Variants in IL16 observed in about 807,000 individuals in gnomAD.
IL16 encodes interleukin 16.
IL16 carries 67 observed loss-of-function variants against 110.1 expected under a neutral mutation model. The observed-to-expected ratio is 0.61, with a 90% CI of 0.50 to 0.75. IL16 has a LOEUF of 0.75. IL16 is among the 30% of genes least tolerant of loss of function. The pLI, the probability that IL16 is intolerant of heterozygous loss-of-function variation, is 0.00. For synonymous variants in IL16, 689 were observed against 662.9 expected (o/e 1.04, Z -0.61); for missense variants, 1,545 against 1,655.0 (o/e 0.93, Z 1.15).
intron 5 of IL16, among the ~76,000 whole-genome samples, chr15:81,270,745 G>C (rs190046232): frequency 6.6e-6 from 1 of 152,206 alleles, no homozygotes; most frequent in African/African-American, 2.4e-5. Flanking sequence ...CTCATGTGAA[G>C]ATGACCAAAA....
intron 2 of IL16, among the ~76,000 whole-genome samples, chr15:81,243,833 G>C (rs1057408312): frequency 6.6e-6 from 1 of 152,168 alleles, no homozygotes; most frequent in East Asian, 1.9e-4. Flanking sequence ...ACATTTATGT[G>C]TGTAGAGTGG....
At chr15:81,198,880 C>T (rs538554880) in intron 1 of IL16, among the ~76,000 whole-genome samples, 62 of 150,594 alleles carry the variant, frequency 4.1e-4, no homozygotes, top group African/African-American at 1.3e-3. Flanking sequence ...ATTAGCCAGG[C>T]GTGGAGGCAC....
chr15:81,294,494 T>C (rs919938001), intron 12 of IL16, among the ~76,000 whole-genome samples: 4 of 152,024 alleles, frequency 2.6e-5, no homozygotes, highest in African/African-American at 9.7e-5. Context: ...TATTCCCGAG[T>C]AAGGCGTCTG....
At chr15:81,305,757 T>C (rs1324573401) in intron 16 of IL16, 151 bp from the exon 17 acceptor site, 3 of 880,744 alleles carry the variant, frequency 3.4e-6, no homozygotes, top group African/African-American at 3.4e-5. Flanking sequence ...CTGGCCTCTG[T>C]GCCAGCAGCT....
intron 2 of IL16, among the ~76,000 whole-genome samples, chr15:81,244,373 A>G (rs1017577916): frequency 5.9e-5 from 9 of 152,034 alleles, no homozygotes; most frequent in African/African-American, 2.2e-4. Flanking sequence ...TTTTTGGGAT[A>G]GTTCTGGTGG....
intron 6 of IL16, among the ~76,000 whole-genome samples, chr15:81,274,485 C>T (rs914127941): frequency 1.3e-5 from 2 of 152,210 alleles, no homozygotes; most frequent in Admixed American, 6.5e-5. Context: ...GTGTGAGCCA[C>T]AGTGCCCAGC....
chr15:81,293,883 C>T (rs746327606), intron 12 of IL16, among the ~76,000 whole-genome samples: 2 of 152,210 alleles, frequency 1.3e-5, no homozygotes, highest in African/African-American at 4.8e-5. Context: ...CTTACAACCA[C>T]CTGATGGTGA....
intron 2 of IL16, among the ~76,000 whole-genome samples, chr15:81,243,797 T>C (rs1421314245): frequency 6.6e-6 from 1 of 152,198 alleles, no homozygotes; most frequent in African/African-American, 2.4e-5. Flanking sequence ...TTGTGCTTTT[T>C]GAGGAATTGG....
chr15:81,310,538 AATAGAAAC>A lies in IL16; in HGVS notation c.*1743_*1750del, dbSNP rs950978524. 1 of 152,194 alleles carries A rather than the reference AATAGAAAC, an allele frequency of 6.6e-6. No individual in the cohort carries two copies. Among genetic ancestry groups the A allele is most frequent in the Non-Finnish European group, 1.5e-5 (1 of 68,038 alleles). The allele number at this position is 152,194 out of a possible 1,614,324, so 9.4% of individuals were successfully genotyped here. A position where few individuals can be genotyped will look rare whatever the true frequency, so the allele number is the denominator to read the frequency against. On this transcript the variant is annotated 3_prime_UTR_variant, in exon 19 of 19. Transcript: ENST00000683961. ...CCATTTGTATCCACTTTTTAGACTT[AATAGAAAC>A]ATTGAAGATGAACATAATCTACCAA... is the stretch of plus-strand genomic sequence containing the variant.
chr15:81,288,319 A>G (rs1294584061), intron 10 of IL16, among the ~76,000 whole-genome samples: 1 of 152,212 alleles, frequency 6.6e-6, no homozygotes. Context: ...CTGGTTCCTC[A>G]ACTCTGACAT....
chr15:81,248,608 G>T, intron 2 of IL16, among the ~76,000 whole-genome samples: 1 of 146,634 alleles, frequency 6.8e-6, no homozygotes, highest in Non-Finnish European at 1.5e-5. Flanking sequence ...CATTTTCCCT[G>T]TTTTATTCTC....
At position 81,207,049 on chromosome 15, in the gene IL16, C is replaced by T. The variant is rs577886591; in HGVS notation, c.-102+9897C>T. Among the ~76,000 whole-genome samples, 40 of 150,104 alleles carry T rather than the reference C, an allele frequency of 2.7e-4. No individual in the cohort carries two copies. In the East Asian group the frequency reaches 6.5e-3, roughly 24 times the overall value. On this transcript the variant is annotated intron_variant, in intron 1 of 18. Coordinates refer to ENST00000683961, the MANE Select transcript of IL16 (RefSeq NM_172217.5). ...GAGATCAAGACCATCCTGGCTAACA[C>T]GGTGAAACCCCGTCTCTACTAAAAA...
At chr15:81,274,042 CAG>C (rs1030040789) in intron 6 of IL16, among the ~76,000 whole-genome samples, 3 of 151,894 alleles carry the variant, frequency 2.0e-5, no homozygotes, top group African/African-American at 7.3e-5. Context: ...AGTCACAGGG[CAG>C]AGAGTACCCA....
intron 16 of IL16, 196 bp from the exon 17 acceptor site, chr15:81,305,712 G>T (rs574801116): frequency 1.1e-4 from 66 of 624,972 alleles, no homozygotes; most frequent in Non-Finnish European, 1.7e-4. Flanking sequence ...CATTACTGCT[G>T]GTGATCTCTG....
intron 6 of IL16, among the ~76,000 whole-genome samples, chr15:81,278,473 G>A (rs774036099): frequency 6.6e-6 from 1 of 152,226 alleles, no homozygotes; most frequent in Non-Finnish European, 1.5e-5. Context: ...TGCAGGTCGT[G>A]TTGCATCAGA....
chr15:81,278,783 A>C, intron 6 of IL16, 34 bp from the exon 7 acceptor site: 1 of 1,451,576 alleles, frequency 6.9e-7, no homozygotes, highest in Non-Finnish European at 9.7e-7. Context: ...ATTGGGCAAC[A>C]CTCTTCTTAG....
chr15:81,251,297 G>T (rs1897759705), intron 2 of IL16, among the ~76,000 whole-genome samples: 1 of 152,082 alleles, frequency 6.6e-6, no homozygotes. Flanking sequence ...CTCCCAAGTA[G>T]CTGGTACTAC....
chr15:81,295,578 A>T, intron 12 of IL16: 1 of 1,116,592 alleles, frequency 9.0e-7, no homozygotes, highest in Non-Finnish European at 1.2e-6. Context: ...CTTAGAGATC[A>T]TCAGGCCAAT....
intron 2 of IL16, among the ~76,000 whole-genome samples, chr15:81,252,918 A>G (rs1470979020): frequency 6.6e-6 from 1 of 152,178 alleles, no homozygotes; most frequent in African/African-American, 2.4e-5. Flanking sequence ...GATATCATGA[A>G]TAATGCTGCT....
Sources: allele counts gnomAD v4.1 joint callset (sites outside exome capture counted in the v4.1 genomes callset), GRCh38; gene constraint gnomAD v4.1.1; transcripts MANE v1.5; gene names NCBI Gene and HGNC (gene_info 2026-07-23, HGNC 2026-07-21).